AGBL1: variants seen among roughly 807,000 people sequenced by gnomAD.
AGBL1 encodes AGBL carboxypeptidase 1, also known as cytosolic carboxypeptidase 4.
Under a neutral mutation model 118.9 loss-of-function variants are expected in AGBL1, and 130 were observed. That is an observed-to-expected ratio of 1.09 (90% CI 0.95 to 1.26). AGBL1 has a LOEUF of 1.26. Ranked by LOEUF, AGBL1 falls within the 50% of genes most tolerant of loss-of-function variation. AGBL1 has a pLI of 0.00. For missense variants in AGBL1, 1,584 were observed against 1,298.1 expected (o/e 1.22, Z -3.38); for synonymous variants, 555 against 478.9 (o/e 1.16, Z -2.08).
chr15:86,713,629 A>G (rs2086594340), intron 22 of AGBL1, among the ~76,000 whole-genome samples: 2 of 152,194 alleles, frequency 1.3e-5, no homozygotes, highest in South Asian at 4.1e-4. Context: ...AATAGAAGAC[A>G]GAACTGTGCC....
At chr15:86,930,564 G>T (rs796526729) in intron 23 of AGBL1, among the ~76,000 whole-genome samples, 3 of 152,240 alleles carry the variant, frequency 2.0e-5, no homozygotes, top group African/African-American at 7.2e-5. Flanking sequence ...TTCTCTGGTT[G>T]TAGATAGCTC....
At chr15:86,799,895 A>G (rs1288941961) in intron 22 of AGBL1, among the ~76,000 whole-genome samples, 1 of 152,150 alleles carries the variant, frequency 6.6e-6, no homozygotes, top group African/African-American at 2.4e-5. Context: ...CAGTGTTTAG[A>G]TTGGAAAATT....
intron 22 of AGBL1, among the ~76,000 whole-genome samples, chr15:86,800,897 G>T (rs185057399): frequency 1.3e-5 from 2 of 152,258 alleles, no homozygotes; most frequent in Admixed American, 1.3e-4. Flanking sequence ...AGAAGCAGCA[G>T]TTGCTGAGTT....
intron 5 of AGBL1, among the ~76,000 whole-genome samples, chr15:86,193,012 A>G (rs545343468): frequency 6.6e-6 from 1 of 152,290 alleles, no homozygotes; most frequent in South Asian, 2.1e-4. Context: ...TTCAGTCAAA[A>G]ATATTTTTAA....
chr15:86,433,380 C>T (rs1327034636), intron 18 of AGBL1, among the ~76,000 whole-genome samples: 1 of 145,826 alleles, frequency 6.9e-6, no homozygotes, highest in Non-Finnish European at 1.5e-5. Context: ...CTTGTTTAGC[C>T]CCTTCTAGAA....
chr15:86,837,772 G>T (rs754619802), intron 22 of AGBL1, among the ~76,000 whole-genome samples: 50 of 152,198 alleles, frequency 3.3e-4, no homozygotes, highest in Non-Finnish European at 5.0e-4. Flanking sequence ...GGATTAGAGC[G>T]TGAGAGAGAA....
At chr15:87,006,195 G>A (rs1229482540) in intron 24 of AGBL1, among the ~76,000 whole-genome samples, 1 of 152,174 alleles carries the variant, frequency 6.6e-6, no homozygotes, top group Non-Finnish European at 1.5e-5. Flanking sequence ...GCTGCATGCT[G>A]GGAGAACCAC....
chr15:86,403,700 G>A (rs74025113), intron 18 of AGBL1, among the ~76,000 whole-genome samples: 5,118 of 152,262 alleles, frequency 0.034, 292 homozygotes, highest in African/African-American at 0.12. Flanking sequence ...TTCTAGATAA[G>A]AAAAGTTGAG....
At chr15:86,628,927 G>C (rs758813887) in intron 21 of AGBL1, among the ~76,000 whole-genome samples, 9 of 152,210 alleles carry the variant, frequency 5.9e-5, no homozygotes, top group Non-Finnish European at 1.5e-5. Flanking sequence ...CATTGGGAAA[G>C]AGTCATCACA....
At chr15:86,947,023 A>G (rs913492922) in intron 23 of AGBL1, among the ~76,000 whole-genome samples, 3 of 152,106 alleles carry the variant, frequency 2.0e-5, no homozygotes, top group African/African-American at 7.2e-5. Flanking sequence ...GGATGTGGCA[A>G]TACTCCCTGC....
intron 19 of AGBL1, among the ~76,000 whole-genome samples, chr15:86,545,138 C>T (rs2083562111): frequency 6.6e-6 from 1 of 152,196 alleles, no homozygotes; most frequent in Admixed American, 6.5e-5. Flanking sequence ...GACAGTTTTT[C>T]CCCTCTACCA....
chr15:86,639,916 T>C (rs1232246356), intron 21 of AGBL1, among the ~76,000 whole-genome samples: 7 of 152,156 alleles, frequency 4.6e-5, no homozygotes, highest in Admixed American at 4.6e-4. Context: ...CTTGTCCTTA[T>C]CTTCTGCTTT....
intron 18 of AGBL1, among the ~76,000 whole-genome samples, chr15:86,440,487 T>G (rs1192166587): frequency 6.7e-6 from 1 of 149,280 alleles, no homozygotes; most frequent in South Asian, 2.1e-4. Context: ...GGATGGAGAA[T>G]AATAATAATA....
Position 86,442,122 on chromosome 15 carries a change from A to T in AGBL1, c.2555+44576A>T, listed in dbSNP as rs567665901. Among the ~76,000 whole-genome samples the T allele has an allele frequency of 9.8e-5, 15 of 152,348 alleles. No homozygotes were observed. In the East Asian group the frequency reaches 1.7e-3, roughly 18 times the overall value. ...AGACAACTGTTTGCAAGGAGCCGGG[A>T]GGCTGTGCCTTGTCACTGGGTACCA... On this transcript the variant is annotated intron_variant, in intron 18 of 22. Transcript: ENST00000614907.
chr15:86,839,387 C>A (rs1422880401), intron 22 of AGBL1, among the ~76,000 whole-genome samples: 1 of 152,194 alleles, frequency 6.6e-6, no homozygotes, highest in Non-Finnish European at 1.5e-5. Context: ...GCCATAGGGG[C>A]CCTCATCCTC....
intron 16 of AGBL1, among the ~76,000 whole-genome samples, chr15:86,283,313 G>A (rs145910413): frequency 0.022 from 3,363 of 152,204 alleles, 53 homozygotes; most frequent in Non-Finnish European, 0.033. Flanking sequence ...ATCTCACTGA[G>A]AACTTATAAC....
At chr15:86,287,240 A>G (rs1261655043) in intron 16 of AGBL1, among the ~76,000 whole-genome samples, 1 of 152,072 alleles carries the variant, frequency 6.6e-6, no homozygotes, top group African/African-American at 2.4e-5. Flanking sequence ...TTCCTTGTAT[A>G]TTTTAGATAT....
chr15:86,695,064 TTA>T (rs1243638481), intron 22 of AGBL1, among the ~76,000 whole-genome samples: 1 of 152,056 alleles, frequency 6.6e-6, no homozygotes, highest in African/African-American at 2.4e-5. Context: ...TCTTTTTTTG[TTA>T]TGTCTTTTCC....
intron 21 of AGBL1, among the ~76,000 whole-genome samples, chr15:86,618,726 C>T (rs934745419): frequency 3.9e-5 from 6 of 152,190 alleles, no homozygotes; most frequent in Non-Finnish European, 8.8e-5. Context: ...CCTTACTGCA[C>T]CAGAAAATGG....
Sources: allele counts gnomAD v4.1 joint callset (sites outside exome capture counted in the v4.1 genomes callset), GRCh38; gene constraint gnomAD v4.1.1; transcripts MANE v1.5; gene names NCBI Gene and HGNC (gene_info 2026-07-23, HGNC 2026-07-21).